The following MFF variants were observed in gnomAD, a reference collection of about 807,000 sequenced individuals.
MFF encodes the protein chromosome 2 open reading frame 33.
In MFF, 12 loss-of-function variants were observed where a neutral mutation model predicts 36.9. That is an observed-to-expected ratio of 0.33 (90% confidence interval 0.21 to 0.53). The LOEUF (loss-of-function observed/expected upper bound fraction) is 0.53. MFF is among the 20% of genes least tolerant of loss of function. The pLI is 0.95. For missense variants in MFF, 348 were observed against 366.6 expected, an observed-to-expected ratio of 0.95 and a Z score of 0.42; for synonymous variants, 99 against 126.2, an observed-to-expected ratio of 0.78 and a Z score of 1.44.
chr2:227,331,843 G>T (rs1272081271), intron 3 of MFF, among the ~76,000 whole-genome samples: 6 of 150,812 alleles, frequency 4.0e-5, no homozygotes, highest in Non-Finnish European at 5.9e-5. Context: ...ATTGGCTGTT[G>T]TAAGAGTTTT....
chr2:227,356,337 A>G (rs548794286), intron 8 of MFF, among the ~76,000 whole-genome samples: 1 of 152,294 alleles, frequency 6.6e-6, no homozygotes, highest in Admixed American at 6.5e-5. Context: ...GAAGATCAGT[A>G]GGAGAACACA....
intron 3 of MFF, among the ~76,000 whole-genome samples, chr2:227,331,619 A>T (rs1455215380): frequency 6.6e-6 from 1 of 152,248 alleles, no homozygotes; most frequent in African/African-American, 2.4e-5. Context: ...TCCATCAGTG[A>T]TGAATAAGTT....
intron 5 of MFF, among the ~76,000 whole-genome samples, chr2:227,344,240 A>C (rs2075580323): frequency 6.6e-6 from 1 of 152,246 alleles, no homozygotes; most frequent in Admixed American, 6.5e-5. Context: ...GCTATTTTAT[A>C]ATATCACTGG....
chr2:227,326,036 G>A (rs2074089114), intron 1 of MFF, among the ~76,000 whole-genome samples: 1 of 152,058 alleles, frequency 6.6e-6, no homozygotes, highest in Non-Finnish European at 1.5e-5. Flanking sequence ...TCCAGGAGCT[G>A]GGAAGCCGGA....
intron 7 of MFF, among the ~76,000 whole-genome samples, chr2:227,353,178 C>G (rs2076085115): frequency 6.6e-6 from 1 of 152,172 alleles, no homozygotes; most frequent in Non-Finnish European, 1.5e-5. Flanking sequence ...TTCCTTTCTT[C>G]CTGACACGCA....
chr2:227,352,648 C>T (rs1407886584), intron 7 of MFF, 75 bp downstream of exon 7: 22 of 1,154,496 alleles, frequency 1.9e-5, no homozygotes, highest in Admixed American at 1.8e-4. Context: ...TGTTGCATGT[C>T]GTAGCCATGC....
chr2:227,328,317 A>T (rs1248696520), intron 1 of MFF, among the ~76,000 whole-genome samples: 2 of 148,190 alleles, frequency 1.3e-5, no homozygotes, highest in Non-Finnish European at 3.0e-5. Flanking sequence ...AAAAAAAAAA[A>T]AAACCAATTC....
At chr2:227,333,720 A>G (rs1574908813) in intron 4 of MFF, among the ~76,000 whole-genome samples, 1 of 152,342 alleles carries the variant, frequency 6.6e-6, no homozygotes, top group East Asian at 1.9e-4. Flanking sequence ...GTGTGCTCCC[A>G]GTTTAAGGCC....
chr2:227,347,690 C>T (rs533471607), intron 6 of MFF, among the ~76,000 whole-genome samples: 4 of 152,268 alleles, frequency 2.6e-5, no homozygotes, highest in South Asian at 2.1e-4. Flanking sequence ...CAAGGGGCCC[C>T]GTCCCATTGG....
At position 227,340,091 on chromosome 2, in the gene MFF, G is replaced by GGT. The variant is rs112978620; in HGVS notation, c.352-184_352-183dup. Reference sequence around the variant, plus strand: ...TGTTTATCTGCATTATAGTAAGTAGGGTGTGTGTGTGTGTGTGTCTTGTTT... The same window carrying GGT: ...TGTTTATCTGCATTATAGTAAGTAGGGTGTGTGTGTGTGTGTGTGTCTTGTTT... On this transcript the variant is annotated intron_variant, in intron 4 of 8. Coordinates refer to ENST00000304593, the MANE Select transcript of MFF (RefSeq NM_001277062.2). 0.16 allele frequency among the ~76,000 whole-genome samples: 24,406 copies of GGT among 150,922 alleles called. 2,077 individuals are homozygous for GGT. Among genetic ancestry groups the GGT allele is most frequent in the African/African-American group, 0.23 (9,314 of 41,132 alleles).
chr2:227,355,940 C>T (rs930085905), intron 8 of MFF, among the ~76,000 whole-genome samples, 179 bp downstream of exon 8: 1 of 152,074 alleles, frequency 6.6e-6, no homozygotes, highest in Admixed American at 6.6e-5. Flanking sequence ...TTTTGATCAC[C>T]GTAAAACAGT....
At chr2:227,343,567 T>A (rs2075537666) in intron 5 of MFF, among the ~76,000 whole-genome samples, 1 of 152,202 alleles carries the variant, frequency 6.6e-6, no homozygotes, top group Non-Finnish European at 1.5e-5. Context: ...ATTAATATAT[T>A]TGTGTTTTAG....
At chr2:227,332,658 G>C (rs2074687673) in intron 4 of MFF, 70 bp downstream of exon 4, 11 of 1,129,348 alleles carry the variant, frequency 9.7e-6, no homozygotes, top group Non-Finnish European at 1.4e-5. Flanking sequence ...GAGCAAAGAG[G>C]CTTTATCATA....
Position 227,332,598 on chromosome 2 carries a change from A to G in MFF, c.351+10A>G. 1.3e-6 allele frequency: 2 copies of G among 1,553,860 alleles called. No homozygotes were observed. Among genetic ancestry groups the G allele is most frequent in the African/African-American group, 1.5e-5 (1 of 65,828 alleles). ...CCCTCAAAATGAAGAAGTAAGTAGA[A>G]CTTTAGTATCACCGGAATTTGAAAT... is the stretch of plus-strand genomic sequence containing the variant. On this transcript the variant is annotated intron_variant, in intron 4 of 8. Transcript: ENST00000304593.
chr2:227,332,011 G>A (rs1328020465), intron 3 of MFF, among the ~76,000 whole-genome samples: 2 of 112,130 alleles, frequency 1.8e-5, no homozygotes, highest in South Asian at 3.1e-4. Flanking sequence ...TCGCTCTGTC[G>A]CCCAGGCTGG....
chr2:227,344,241 A>G (rs2075580487), intron 5 of MFF, among the ~76,000 whole-genome samples: 4 of 152,222 alleles, frequency 2.6e-5, no homozygotes. Flanking sequence ...CTATTTTATA[A>G]TATCACTGGA....
In MFF at chr2:227,347,273, T is replaced by C; in HGVS notation, c.488T>C (p.Leu163Ser). ...GCTCGGGTCTGTCCTCCCCATATGT[T>C]ACCTGAAGATGGAGCTAATCTTTCC... ...QQARVCPPHMLPEDGANLSSA... is the reference protein window; with the variant it reads ...QQARVCPPHMSPEDGANLSSA... The change falls in exon 6 of 9, where the codon TTA becomes TCA. Residue 163 changes from leucine to serine, a missense_variant. Leu to Ser is a moderately radical substitution (Grantham distance 145, BLOSUM62 -2). Coordinates refer to ENST00000304593, the MANE Select transcript of MFF (RefSeq NM_001277062.2). 1.9e-6 allele frequency: 3 copies of C among 1,613,808 alleles called. No individual in the cohort carries two copies. Among genetic ancestry groups the C allele is most frequent in the South Asian group, 1.1e-5 (1 of 91,078 alleles).
At position 227,357,606 on chromosome 2, in the gene MFF, A is replaced by G. The variant is rs1216291278; in HGVS notation, c.*489A>G. The G allele has an allele frequency of 6.5e-6, 1 of 154,142 alleles. No individual in the cohort carries two copies. The highest frequency in any genetic ancestry group is 2.4e-5 in the African/African-American group (1 of 41,496). The allele number at this position is 154,142 out of a possible 1,614,324, so 9.5% of individuals were successfully genotyped here. ...GTCATGGTCTGGTGCCAGATTTAAGAAACTCGAACCACCTAATATTTCATA... is the reference window on the plus strand; with the variant it reads ...GTCATGGTCTGGTGCCAGATTTAAGGAACTCGAACCACCTAATATTTCATA... On this transcript the variant is annotated 3_prime_UTR_variant, in exon 9 of 9. Transcript: ENST00000304593.
At chr2:227,349,903 C>T (rs2075901293) in intron 6 of MFF, among the ~76,000 whole-genome samples, 1 of 151,946 alleles carries the variant, frequency 6.6e-6, no homozygotes, top group Admixed American at 6.6e-5. Context: ...TGGTCATATG[C>T]CATCACATTA....
Sources: gnomAD v4.1 joint callset for allele counts (sites outside exome capture counted in the v4.1 genomes callset) on GRCh38, gnomAD v4.1.1 for gene constraint, MANE v1.5 for transcripts, NCBI Gene and HGNC (gene_info 2026-07-23, HGNC 2026-07-21) for gene names.